NFATC3: variants seen among roughly 807,000 people sequenced by gnomAD.
NFATC3 encodes nuclear factor of activated T-cells, cytoplasmic 3.
A neutral mutation model predicts 98.6 loss-of-function variants in NFATC3; 46 were observed. The observed-to-expected ratio is 0.47, with a 90% CI of 0.37 to 0.60. The LOEUF is 0.60. NFATC3 is among the 20% of genes least tolerant of loss of function. The pLI is 0.00. For missense variants in NFATC3, 1,256 were observed against 1,295.5 expected (o/e 0.97, Z 0.47); for synonymous variants, 512 against 472.2 (o/e 1.08, Z -1.09).
intron 1 of NFATC3, among the ~76,000 whole-genome samples, chr16:68,102,729 T>C (rs2035440367): frequency 6.6e-6 from 1 of 152,216 alleles, no homozygotes; most frequent in Admixed American, 6.5e-5. Context: ...TAATTGCTTG[T>C]CATATGGTAA....
chr16:68,132,992 G>A lies in NFATC3; in HGVS notation c.1401+6382G>A, dbSNP rs985410440. Among the ~76,000 whole-genome samples the A allele has an allele frequency of 8.5e-5, 13 of 152,262 alleles. No individual in the cohort carries two copies. In the South Asian group the frequency reaches 1.4e-3, roughly 17 times the overall value. ...TAATAAAAATTTATTGTGGCGGGGC[G>A]CAGTGGCTCACACCTGTAATCCCAG... On this transcript the variant is annotated intron_variant, in intron 3 of 9. Coordinates refer to ENST00000346183, the MANE Select transcript of NFATC3 (RefSeq NM_173165.3).
chr16:68,218,143 C>A, intron 9 of NFATC3: 1 of 545,728 alleles, frequency 1.8e-6, no homozygotes, highest in Non-Finnish European at 2.3e-6. Flanking sequence ...CTTACTGCAT[C>A]CTGGAACTCC....
rs186778477 is a variant in NFATC3, at chr16:68,222,060, C to T, written c.3107-4290C>T. On this transcript the variant is annotated intron_variant, in intron 9 of 9. Transcript: ENST00000346183. ...ATCCTAGTACTTTAGGAGGCTGAGGCAGGAGGATCACTTGAGTCCAGGAGT... is the reference window on the plus strand; with the variant it reads ...ATCCTAGTACTTTAGGAGGCTGAGGTAGGAGGATCACTTGAGTCCAGGAGT... 5.1e-3 allele frequency among the ~76,000 whole-genome samples: 771 copies of T among 151,524 alleles called. 4 individuals carry two copies. The highest frequency in any genetic ancestry group is 7.2e-3 in the Non-Finnish European group (489 of 67,890).
chr16:68,085,450 A>G lies in NFATC3; in HGVS notation c.-232A>G. 2.5e-6 allele frequency: 1 copy of G among 402,912 alleles called. No homozygotes were observed. Among genetic ancestry groups the G allele is most frequent in the Non-Finnish European group, 4.5e-6 (1 of 224,718 alleles). 25.0% of individuals were successfully genotyped at this position (402,912 alleles called of 1,614,324 possible). ...GGAACATTGGCTAAGCCGACAGTGG[A>G]GGCTTAGGCACCGGTGGCGGGCGGC... On this transcript the variant is annotated 5_prime_UTR_variant, in exon 1 of 10. Coordinates refer to ENST00000346183, the MANE Select transcript of NFATC3 (RefSeq NM_173165.3).
rs559468421 is a variant in NFATC3 at position 68,185,713 on chromosome 16, A to G, written c.2098+2347A>G. On this transcript the variant is annotated intron_variant, in intron 8 of 9. Transcript: ENST00000346183. ...CCCGTCTCTACTAAAAATACAAAAA[A>G]TCAGCCGGGCATTGTGGCAGGTGCC... is the stretch of plus-strand genomic sequence containing the variant. Among the ~76,000 whole-genome samples, 3 of 152,134 alleles carry G rather than the reference A, an allele frequency of 2.0e-5. 1 individual carries two copies. In the South Asian group the frequency reaches 6.2e-4, roughly 32 times the overall value.
chr16:68,192,315 A>ATG (rs1302668149), intron 9 of NFATC3: 18 of 131,770 alleles, frequency 1.4e-4, no homozygotes, highest in Admixed American at 5.6e-4. Context: ...ATATATATGT[A>ATG]TGTGTATATA....
At chr16:68,217,853 C>T (rs2041696855) in intron 9 of NFATC3, 19 of 1,228,290 alleles carry the variant, frequency 1.5e-5, no homozygotes, top group South Asian at 8.3e-5. Context: ...TTGAAGAAAA[C>T]GAATTGCATG....
intron 3 of NFATC3, among the ~76,000 whole-genome samples, chr16:68,132,291 G>A (rs927411308): frequency 3.9e-5 from 6 of 152,170 alleles, no homozygotes; most frequent in African/African-American, 1.2e-4. Flanking sequence ...AGAGGATGGA[G>A]GGTGGGGTAG....
intron 3 of NFATC3, among the ~76,000 whole-genome samples, chr16:68,147,755 G>GAAA (rs1191298518): frequency 3.5e-4 from 31 of 87,744 alleles, no homozygotes; most frequent in Non-Finnish European, 6.8e-4. Context: ...TCTGTGAACT[G>GAAA]AAAAAAAAAA....
At chr16:68,178,855 T>C (rs1350309999) in intron 6 of NFATC3, among the ~76,000 whole-genome samples, 1 of 152,242 alleles carries the variant, frequency 6.6e-6, no homozygotes, top group Non-Finnish European at 1.5e-5. Flanking sequence ...TGTTAAATGG[T>C]GGCAGTTACT....
chr16:68,086,582 G>A (rs1348777732), intron 1 of NFATC3: 1 of 947,908 alleles, frequency 1.1e-6, no homozygotes, highest in Admixed American at 6.2e-5. Context: ...GAGCTCTTTT[G>A]TGACCTGGTT....
At chr16:68,101,054 T>C (rs753454086) in intron 1 of NFATC3, among the ~76,000 whole-genome samples, 1 of 152,154 alleles carries the variant, frequency 6.6e-6, no homozygotes, top group Non-Finnish European at 1.5e-5. Flanking sequence ...GCCTTACCAA[T>C]TTTTTCTTTC....
intron 9 of NFATC3, among the ~76,000 whole-genome samples, chr16:68,205,382 T>C (rs1324169382): frequency 6.6e-6 from 1 of 152,064 alleles, no homozygotes; most frequent in East Asian, 1.9e-4. Context: ...CCCGAGTAGC[T>C]GGGGCTACAG....
intron 1 of NFATC3, 117 bp from the exon 2 acceptor site, chr16:68,121,870 C>A: frequency 3.3e-6 from 4 of 1,217,644 alleles, no homozygotes; most frequent in South Asian, 3.1e-5. Flanking sequence ...CATTTTATAT[C>A]CCACTTTTTT....
At chr16:68,136,309 C>T (rs550267326) in intron 3 of NFATC3, among the ~76,000 whole-genome samples, 5 of 151,910 alleles carry the variant, frequency 3.3e-5, no homozygotes, top group Admixed American at 6.6e-5. Context: ...ACTCTGTTGC[C>T]GATGCTGGAG....
At chr16:68,114,552 C>T (rs926600176) in intron 1 of NFATC3, among the ~76,000 whole-genome samples, 20 of 151,454 alleles carry the variant, frequency 1.3e-4, no homozygotes, top group African/African-American at 3.9e-4. Flanking sequence ...CATCTGGCAG[C>T]ACATCAAGGG....
rs910895137 is a variant in NFATC3, at chr16:68,183,100, A to G, written c.1972-140A>G. 5.1e-6 allele frequency: 4 copies of G among 788,890 alleles called. No homozygotes were observed. The African/African-American group carries it at 5.4e-5, about 11-fold the overall frequency. 48.9% of individuals were successfully genotyped at this position (788,890 alleles called of 1,614,324 possible). ...TGAAGTATCCCTTTAGTAAATCTCC[A>G]GATGATGTATATGACTAGCTGATGT... On this transcript the variant is annotated intron_variant, in intron 7 of 9. Coordinates refer to ENST00000346183, the MANE Select transcript of NFATC3 (RefSeq NM_173165.3).
At chr16:68,150,037 T>TA (rs2038231867) in intron 3 of NFATC3, among the ~76,000 whole-genome samples, 1 of 152,232 alleles carries the variant, frequency 6.6e-6, no homozygotes, top group African/African-American at 2.4e-5. Flanking sequence ...TAGTTGGAAT[T>TA]ACGATTTGTC....
chr16:68,204,779 C>G (rs993371551), intron 9 of NFATC3, among the ~76,000 whole-genome samples: 7 of 152,040 alleles, frequency 4.6e-5, no homozygotes, highest in African/African-American at 1.7e-4. Flanking sequence ...TTTTTGAGTT[C>G]CTTCGAAGAC....
Sources: allele counts gnomAD v4.1 joint callset (sites outside exome capture counted in the v4.1 genomes callset), GRCh38; gene constraint gnomAD v4.1.1; transcripts MANE v1.5; gene names NCBI Gene and HGNC (gene_info 2026-07-23, HGNC 2026-07-21).